Variants in LAMB1 observed in about 807,000 individuals in gnomAD.
The protein encoded by LAMB1 is laminin subunit beta-1.
A neutral mutation model predicts 222.3 loss-of-function variants in LAMB1; 121 were observed. The ratio of observed to expected loss-of-function variants is 0.54; its 90% CI spans 0.47 to 0.63. The LOEUF (loss-of-function observed/expected upper bound fraction) is 0.63. LAMB1 is among the 30% of genes least tolerant of loss of function. LAMB1 has a pLI of 0.00. For missense variants in LAMB1, 2,172 were observed against 2,240.8 expected (o/e 0.97, Z 0.62); for synonymous variants, 794 against 807.2 (o/e 0.98, Z 0.28).
Position 107,935,515 on chromosome 7 carries a change from C to T in LAMB1, c.4088G>A (p.Arg1363Gln), listed in dbSNP as rs750869685. The T allele has an allele frequency of 3.8e-5, 61 of 1,613,940 alleles. No homozygotes were observed. Among genetic ancestry groups the T allele is most frequent in the South Asian group, 2.6e-4 (24 of 91,066 alleles). The change falls in exon 27 of 34, where the codon CGA becomes CAA. Residue 1363 changes from arginine (R) to glutamine (Q), a missense_variant. Physicochemically the swap from Arg to Gln is conservative, Grantham distance 43. Coordinates refer to ENST00000222399, the MANE Select transcript of LAMB1 (RefSeq NM_002291.3). The part of the protein sequence containing the change: ...RDRVEDVMME[R>Q]ESQFKEKQEE... ...TTGTTTTTCCTTGAACTGGGATTCT[C>T]GCTCCATCATCACGTCTTCTACTCT...
chr7:107,951,474 A>G, intron 23 of LAMB1, 152 bp from the exon 24 acceptor site: 1 of 643,498 alleles, frequency 1.6e-6, no homozygotes, highest in Non-Finnish European at 2.7e-6. Context: ...CTTCAATCGT[A>G]GGTGTCGAGA....
intron 2 of LAMB1, chr7:108,002,209 G>T: frequency 1.5e-6 from 2 of 1,358,902 alleles, no homozygotes. Context: ...AGCTTGGGAA[G>T]CGAGAGTGCG....
chr7:107,952,819 C>T (rs2033287481), intron 22 of LAMB1, among the ~76,000 whole-genome samples: 1 of 152,186 alleles, frequency 6.6e-6, no homozygotes, highest in Admixed American at 6.5e-5. Flanking sequence ...ACTTCTTTCT[C>T]TTCCTTAAGC....
intron 21 of LAMB1, among the ~76,000 whole-genome samples, chr7:107,954,413 T>A (rs1316675078): frequency 6.7e-6 from 1 of 149,350 alleles, no homozygotes; most frequent in East Asian, 2.0e-4. Context: ...CAAGCAATCC[T>A]CCTGCCTCAG....
chr7:107,972,348 A>C (rs1039988379), intron 13 of LAMB1, among the ~76,000 whole-genome samples: 5 of 152,198 alleles, frequency 3.3e-5, no homozygotes, highest in Admixed American at 1.3e-4. Flanking sequence ...ACATCTGTCT[A>C]TTCTCTCAGC....
At chr7:107,963,162 G>T in intron 14 of LAMB1, 99 bp from the exon 15 acceptor site, 1 of 1,149,754 alleles carries the variant, frequency 8.7e-7, no homozygotes. Flanking sequence ...ATTCAAAAAG[G>T]GTGGCTACCT....
At position 108,002,916 on chromosome 7, in the gene LAMB1, AGAG is replaced by A; in HGVS notation, c.-34_-32del. On this transcript the variant is annotated 5_prime_UTR_variant, in exon 2 of 34. Transcript: ENST00000222399. ...CTCCCTGCAGCCACGGGGACGCGGC[AGAG>A]GAGTGGAGAAGACGCCCGCCGAGCC... The A allele has an allele frequency of 6.2e-7, 1 of 1,612,850 alleles. No individual in the cohort carries two copies. The highest frequency in any genetic ancestry group is 8.5e-7 in the Non-Finnish European group (1 of 1,179,714).
chr7:107,977,162 G>T (rs1012368783), intron 9 of LAMB1, among the ~76,000 whole-genome samples: 13 of 146,230 alleles, frequency 8.9e-5, no homozygotes, highest in Admixed American at 4.2e-4. Context: ...GGGCCATCTG[G>T]TTTTTACCTA....
At chr7:107,976,861 T>C (rs1263532744) in intron 9 of LAMB1, among the ~76,000 whole-genome samples, 18 of 30,100 alleles carry the variant, frequency 6.0e-4, no homozygotes, top group African/African-American at 1.3e-3. Context: ...TTTCCTCTCC[T>C]TCCTTCCTTC....
At chr7:107,929,682 C>T (rs946107819) in intron 29 of LAMB1, 63 bp from the exon 30 acceptor site, 1 of 1,319,282 alleles carries the variant, frequency 7.6e-7, no homozygotes, top group South Asian at 1.2e-5. Flanking sequence ...TTCATTCAAC[C>T]ACTTACTGGT....
intron 7 of LAMB1, among the ~76,000 whole-genome samples, chr7:107,982,616 C>G (rs911474791): frequency 6.6e-6 from 1 of 152,160 alleles, no homozygotes; most frequent in Non-Finnish European, 1.5e-5. Context: ...GGCCAAACAA[C>G]AAACTTGAAG....
intron 24 of LAMB1, among the ~76,000 whole-genome samples, chr7:107,944,535 T>C (rs1168959339): frequency 6.6e-6 from 1 of 152,176 alleles, no homozygotes; most frequent in African/African-American, 2.4e-5. Flanking sequence ...GGCCTGACTC[T>C]CCGGGAGGGC....
Position 107,980,712 on chromosome 7 carries a change from T to A in LAMB1, c.776A>T (p.Tyr259Phe). Residue 259 changes from tyrosine to phenylalanine, a missense_variant, in exon 8 of 34, where the codon TAT (tyrosine) becomes TTT (phenylalanine). Tyr to Phe is a conservative substitution (Grantham distance 22). Transcript: ENST00000222399. Reference protein sequence around the residue: ...DSRMEIREKYYYAVYDMVVRG... With the variant: ...DSRMEIREKYFYAVYDMVVRG... ...AACCACCATATCATAAACTGCATAA[T>A]AATACTTTTCTCTGATTTCCATCCT... 1.2e-6 allele frequency: 2 copies of A among 1,613,784 alleles called. No individual in the cohort carries two copies. The highest frequency in any genetic ancestry group is 1.1e-5 in the South Asian group (1 of 91,080).
chr7:107,965,822 G>A (rs989704172), intron 13 of LAMB1, among the ~76,000 whole-genome samples: 19 of 151,852 alleles, frequency 1.3e-4, no homozygotes, highest in East Asian at 3.9e-4. Context: ...TCCCAAGGCC[G>A]GGTGCGCAGT....
chr7:107,939,080 C>G (rs1236142957), intron 25 of LAMB1, among the ~76,000 whole-genome samples: 3 of 152,054 alleles, frequency 2.0e-5, no homozygotes, highest in African/African-American at 7.3e-5. Flanking sequence ...TGAAGCAGTC[C>G]CCTCAGGCCT....
chr7:108,001,401 G>C (rs573019322), intron 3 of LAMB1, among the ~76,000 whole-genome samples, 157 bp downstream of exon 3: 3 of 152,316 alleles, frequency 2.0e-5, no homozygotes, highest in South Asian at 2.1e-4. Context: ...CTGAGATGGG[G>C]CGAAAGGTTG....
chr7:107,994,639 C>G (rs891280792), intron 5 of LAMB1, among the ~76,000 whole-genome samples: 3 of 152,148 alleles, frequency 2.0e-5, no homozygotes, highest in African/African-American at 7.2e-5. Flanking sequence ...TAAAAAGATA[C>G]CTAATTAAAA....
chr7:107,939,843 TG>T (rs1381434382), intron 25 of LAMB1, 145 bp downstream of exon 25: 51 of 961,708 alleles, frequency 5.3e-5, no homozygotes, highest in Non-Finnish European at 6.7e-5. Context: ...TCAAGACTGC[TG>T]GAAAATAAAT....
intron 13 of LAMB1, among the ~76,000 whole-genome samples, chr7:107,966,138 C>A (rs1232833415): frequency 6.6e-6 from 1 of 152,050 alleles, no homozygotes; most frequent in African/African-American, 2.4e-5. Flanking sequence ...AACGACCCTG[C>A]CGCAGCATAG....
Sources: allele counts gnomAD v4.1 joint callset (sites outside exome capture counted in the v4.1 genomes callset), GRCh38; gene constraint gnomAD v4.1.1; transcripts MANE v1.5; gene names NCBI Gene and HGNC (gene_info 2026-07-23, HGNC 2026-07-21).